LUZP2: variants seen among roughly 807,000 people sequenced by gnomAD.
LUZP2 encodes leucine zipper protein 2.
LUZP2 carries 52 observed loss-of-function variants against 51.6 expected under a neutral mutation model. That is an observed-to-expected ratio of 1.01 (90% CI 0.81 to 1.27). The LOEUF (loss-of-function observed/expected upper bound fraction) is 1.27, where lower values mean the gene tolerates loss of function less well. LUZP2 is among the 50% of genes most tolerant of loss of function. The pLI is 0.00. For missense variants in LUZP2, 436 were observed against 395.4 expected (o/e 1.10, Z -0.87); for synonymous variants, 154 against 137.3 (o/e 1.12, Z -0.85).
chr11:24,739,374 G>A (rs1056801735), intron 4 of LUZP2, among the ~76,000 whole-genome samples: 9 of 152,020 alleles, frequency 5.9e-5, no homozygotes, highest in Non-Finnish European at 1.3e-4. Context: ...TAAAAGGGGG[G>A]CAGTTAGGAG....
chr11:24,752,465 A>G (rs1859626885), intron 4 of LUZP2, among the ~76,000 whole-genome samples: 1 of 152,238 alleles, frequency 6.6e-6, no homozygotes, highest in Non-Finnish European at 1.5e-5. Flanking sequence ...ACTCAAAAAC[A>G]GAATAAACAG....
intron 5 of LUZP2, among the ~76,000 whole-genome samples, chr11:24,810,754 G>T (rs1368689092): frequency 1.3e-5 from 2 of 152,072 alleles, no homozygotes; most frequent in Non-Finnish European, 2.9e-5. Context: ...TTCCTCAAAA[G>T]AATAAATTAG....
intron 4 of LUZP2, among the ~76,000 whole-genome samples, chr11:24,762,343 G>A (rs765053869): frequency 1.3e-5 from 2 of 152,086 alleles, no homozygotes; most frequent in Non-Finnish European, 2.9e-5. Flanking sequence ...TACTGTAAGT[G>A]TAAAACACAC....
chr11:24,817,904 G>T (rs1017690131), intron 5 of LUZP2, among the ~76,000 whole-genome samples: 2 of 151,954 alleles, frequency 1.3e-5, no homozygotes, highest in East Asian at 3.9e-4. Flanking sequence ...ATATCTTCCA[G>T]CTGATTTTTG....
At chr11:24,543,823 CAAAA>C (rs71041774) in intron 1 of LUZP2, among the ~76,000 whole-genome samples, 7 of 75,592 alleles carry the variant, frequency 9.3e-5, no homozygotes, top group East Asian at 4.5e-4. Context: ...CTCTGTCTCA[CAAAA>C]AAAAAAAAAA....
chr11:24,581,336 G>A (rs1224184420), intron 1 of LUZP2, among the ~76,000 whole-genome samples: 1 of 152,050 alleles, frequency 6.6e-6, no homozygotes, highest in African/African-American at 2.4e-5. Flanking sequence ...TCATTTAAAT[G>A]GTAACAGGTA....
chr11:25,005,673 T>G, intron 9 of LUZP2, among the ~76,000 whole-genome samples: 1 of 152,232 alleles, frequency 6.6e-6, no homozygotes, highest in Middle Eastern at 3.4e-3. Context: ...CCCTGCTGAT[T>G]GGAATAGTTG....
At chr11:24,729,419 A>T (rs896365412) in intron 2 of LUZP2, 133 bp downstream of exon 2, 10 of 487,342 alleles carry the variant, frequency 2.1e-5, no homozygotes, top group Non-Finnish European at 3.7e-5. Context: ...ACTTACTATT[A>T]TATGTGCCCT....
intron 1 of LUZP2, among the ~76,000 whole-genome samples, chr11:24,692,874 C>T (rs1857119478): frequency 1.3e-5 from 2 of 151,946 alleles, no homozygotes; most frequent in Non-Finnish European, 2.9e-5. Context: ...ATGGCATTTT[C>T]CCTTCAAATA....
chr11:25,057,759 G>A (rs1858730161), intron 10 of LUZP2, among the ~76,000 whole-genome samples: 1 of 151,976 alleles, frequency 6.6e-6, no homozygotes, highest in Non-Finnish European at 1.5e-5. Context: ...GGGAGCACTA[G>A]CTCAATTTCC....
intron 4 of LUZP2, among the ~76,000 whole-genome samples, chr11:24,742,560 ATTTG>A (rs1474974606): frequency 6.6e-6 from 1 of 151,282 alleles, no homozygotes; most frequent in Non-Finnish European, 1.5e-5. Flanking sequence ...TTTTTAACTG[ATTTG>A]TTTGAGTTTG....
chr11:24,872,985 T>C (rs1212048135), intron 5 of LUZP2, among the ~76,000 whole-genome samples: 1 of 152,194 alleles, frequency 6.6e-6, no homozygotes, highest in Non-Finnish European at 1.5e-5. Flanking sequence ...GAAAATGCCT[T>C]GATTTTGACT....
intron 1 of LUZP2, among the ~76,000 whole-genome samples, chr11:24,569,974 A>C (rs1372851152): frequency 6.6e-6 from 1 of 152,084 alleles, no homozygotes; most frequent in Non-Finnish European, 1.5e-5. Flanking sequence ...AAATTTTTTC[A>C]CATCATTTAC....
intron 5 of LUZP2, among the ~76,000 whole-genome samples, chr11:24,872,347 T>A (rs1852106193): frequency 6.6e-6 from 1 of 152,166 alleles, no homozygotes; most frequent in African/African-American, 2.4e-5. Flanking sequence ...TATATCCATC[T>A]GGAATGATTT....
chr11:24,510,812 G>C (rs1266026808), intron 1 of LUZP2, among the ~76,000 whole-genome samples: 2 of 152,102 alleles, frequency 1.3e-5, no homozygotes, highest in Non-Finnish European at 2.9e-5. Context: ...GGCCAAGAAA[G>C]TATTGTGGAC....
intron 5 of LUZP2, among the ~76,000 whole-genome samples, chr11:24,804,683 C>A (rs1032528899): frequency 1.2e-4 from 19 of 152,044 alleles, no homozygotes; most frequent in African/African-American, 3.9e-4. Flanking sequence ...ATCTCATGAC[C>A]TGTTTTAGAG....
In LUZP2 at chr11:24,674,708, GAAAAA is replaced by G. The variant is rs574433287; in HGVS notation, c.63-54456_63-54452del. 8.1e-3 allele frequency among the ~76,000 whole-genome samples: 1,220 copies of G among 151,048 alleles called. 14 individuals carry two copies. Among genetic ancestry groups the G allele is most frequent in the African/African-American group, 0.028 (1,171 of 41,256 alleles). ...TGCTACTGCCCATGGACACAGAGAA[GAAAAA>G]AAAAGTCTGTGAGATTTCCTATCTG... On this transcript the variant is annotated intron_variant, in intron 1 of 11. Transcript: ENST00000336930.
intron 7 of LUZP2, among the ~76,000 whole-genome samples, chr11:24,960,738 C>T (rs532783914): frequency 6.6e-6 from 1 of 152,138 alleles, no homozygotes; most frequent in South Asian, 2.1e-4. Flanking sequence ...CTTTGTGTCT[C>T]TATTTCCTTC....
chr11:24,940,730 A>C (rs368977878), intron 7 of LUZP2, among the ~76,000 whole-genome samples: 3 of 152,174 alleles, frequency 2.0e-5, no homozygotes, highest in African/African-American at 4.8e-5. Flanking sequence ...TAATATTGCT[A>C]ACCAATTCTT....
Sources: allele counts gnomAD v4.1 joint callset (sites outside exome capture counted in the v4.1 genomes callset), GRCh38; gene constraint gnomAD v4.1.1; transcripts MANE v1.5; gene names NCBI Gene and HGNC (gene_info 2026-07-23, HGNC 2026-07-21).